The following DNAH3 variants were observed in gnomAD, a reference collection of about 807,000 sequenced individuals.
The protein encoded by DNAH3 is dynein axonemal heavy chain 3.
A neutral mutation model predicts 432.5 loss-of-function variants in DNAH3; 332 were observed. The ratio of observed to expected loss-of-function variants is 0.77; its 90% CI spans 0.70 to 0.84. DNAH3 has a LOEUF of 0.84. Among genes scored for constraint, DNAH3 ranks in the 40% least tolerant of loss-of-function variants. The pLI, the probability that DNAH3 is intolerant of heterozygous loss-of-function variation, is 0.00. For synonymous variants in DNAH3, 1,956 were observed against 1,900.2 expected, an observed-to-expected ratio of 1.03 and a Z score of -0.76; for missense variants, 4,861 against 5,114.0, an observed-to-expected ratio of 0.95 and a Z score of 1.51.
chr16:20,982,181 C>T (rs943724368), intron 49 of DNAH3, among the ~76,000 whole-genome samples: 2 of 151,722 alleles, frequency 1.3e-5, no homozygotes, highest in Non-Finnish European at 2.9e-5. Flanking sequence ...GTCAGGAGTT[C>T]GAGACCACCC....
At chr16:20,948,622 C>T in exon 57 of DNAH3, 1 of 1,614,112 alleles carries the variant, frequency 6.2e-7, no homozygotes, top group Non-Finnish European at 8.5e-7. Context: ...CACTCTGCCT[C>T]CGTAATTACA....
chr16:21,150,488 G>T lies in DNAH3; in HGVS notation c.118-4400C>A. 1 of 336,782 alleles carries T rather than the reference G, an allele frequency of 3.0e-6. No homozygotes were observed. Among genetic ancestry groups the T allele is most frequent in the Non-Finnish European group, 5.8e-6 (1 of 172,940 alleles). The allele number at this position is 336,782 out of a possible 1,614,324, so 20.9% of individuals were successfully genotyped here. ...CAGATGTTCTGAAAGCTCTGTTCAT[G>T]AGGTTGCCTCTCTGAGGTCATAGAC... is the stretch of plus-strand genomic sequence containing the variant. On this transcript the variant is annotated intron_variant, in intron 1 of 61. An upstream open reading frame in the 5' UTR gains an earlier in-frame stop. Coordinates refer to ENST00000261383, the Ensembl canonical transcript of DNAH3.
At chr16:21,044,306 C>T (rs2089592604) in intron 31 of DNAH3, among the ~76,000 whole-genome samples, 1 of 150,900 alleles carries the variant, frequency 6.6e-6, no homozygotes, top group South Asian at 2.1e-4. Context: ...TACCCATGAG[C>T]ATGGAATGTT....
At chr16:20,976,694 A>C (rs1010929118) in intron 50 of DNAH3, among the ~76,000 whole-genome samples, 1 of 152,226 alleles carries the variant, frequency 6.6e-6, no homozygotes, top group Non-Finnish European at 1.5e-5. Flanking sequence ...TTAGAGTTAG[A>C]AGAGGTCATA....
chr16:20,958,339 G>A (rs1015094079), intron 54 of DNAH3, among the ~76,000 whole-genome samples: 6 of 152,114 alleles, frequency 3.9e-5, no homozygotes, highest in Admixed American at 3.3e-4. Context: ...CTTTCAAAAT[G>A]CTGAGATTAC....
chr16:21,028,527 C>T (rs2088693255), intron 37 of DNAH3, among the ~76,000 whole-genome samples: 1 of 151,152 alleles, frequency 6.6e-6, no homozygotes, highest in South Asian at 2.1e-4. Context: ...AAAAAATAGC[C>T]GGGCATGGTG....
intron 5 of DNAH3, among the ~76,000 whole-genome samples, chr16:21,139,778 T>TTG (rs970085294): frequency 5.4e-5 from 5 of 91,806 alleles, no homozygotes; most frequent in African/African-American, 1.8e-4. Context: ...ACCTCATTCT[T>TTG]TTTTTTTTTT....
At chr16:21,104,694 T>C (rs1158929411) in intron 15 of DNAH3, 100 bp from the exon 16 acceptor site, 1 of 690,212 alleles carries the variant, frequency 1.4e-6, no homozygotes, top group African/African-American at 1.7e-5. Flanking sequence ...ACAGGAGTGG[T>C]GTGGGGGTGG....
At chr16:21,133,930 C>A (rs1379837815) in intron 7 of DNAH3, among the ~76,000 whole-genome samples, 1 of 152,136 alleles carries the variant, frequency 6.6e-6, no homozygotes, top group African/African-American at 2.4e-5. Context: ...AAGCAAGGCA[C>A]AGAAAAGTGA....
intron 5 of DNAH3, among the ~76,000 whole-genome samples, chr16:21,137,718 C>T (rs183663002): frequency 6.6e-6 from 1 of 152,164 alleles, no homozygotes; most frequent in East Asian, 1.9e-4. Context: ...CCACCACACC[C>T]AGCTGATAGT....
intron 46 of DNAH3, 44 bp from the exon 47 acceptor site, chr16:20,987,492 C>T (rs1480640392): frequency 1.9e-6 from 3 of 1,610,164 alleles, no homozygotes; most frequent in African/African-American, 2.7e-5. Flanking sequence ...GAAGATGGTC[C>T]CTGAGGTGGT....
At chr16:20,979,876 A>C (rs2085776066) in intron 49 of DNAH3, among the ~76,000 whole-genome samples, 2 of 152,094 alleles carry the variant, frequency 1.3e-5, no homozygotes, top group African/African-American at 4.8e-5. Flanking sequence ...CAGCCTCCCG[A>C]GTAGCTGGGA....
chr16:20,959,147 C>T, intron 54 of DNAH3, 32 bp downstream of exon 54: 1 of 1,605,586 alleles, frequency 6.2e-7, no homozygotes, highest in Non-Finnish European at 8.5e-7. Context: ...AGGTTGGGTC[C>T]CAGAGAAGGC....
chr16:21,090,692 A>C (rs2091506019), intron 18 of DNAH3, among the ~76,000 whole-genome samples: 1 of 152,220 alleles, frequency 6.6e-6, no homozygotes, highest in South Asian at 2.1e-4. Flanking sequence ...AAAAATGTCA[A>C]TTTCATAGAA....
At chr16:20,985,280 C>G in exon 48 of DNAH3, 1 of 1,614,178 alleles carries the variant, frequency 6.2e-7, no homozygotes, top group South Asian at 1.1e-5. Flanking sequence ...AAGAGGAACA[C>G]GGTGCTCTTG....
At chr16:21,107,862 GT>G (rs963425848) in intron 14 of DNAH3, among the ~76,000 whole-genome samples, 70 of 147,002 alleles carry the variant, frequency 4.8e-4, no homozygotes, top group South Asian at 1.5e-3. Context: ...ATCGTGACAT[GT>G]TTTTTTTTTT....
At position 20,963,843 on chromosome 16, in the gene DNAH3, C is replaced by A. The variant is rs745552109; in HGVS notation, c.10041G>T (p.Lys3347Asn). ...TCAGGGTGAAATGGTCAATGATGTA[C>A]TTGATGCGCAGATTCAGTTCCTCGC... Residue 3347 changes from lysine (K) to asparagine (N), a missense_variant, in exon 53 of 62, where the codon AAG becomes AAT. By Grantham distance (94) the Lys-to-Asn change is moderately conservative. Transcript: ENST00000261383. 3.1e-6 allele frequency: 5 copies of A among 1,614,042 alleles called. No individual in the cohort carries two copies. In the Admixed American group the frequency reaches 8.3e-5, roughly 27 times the overall value.
At chr16:21,070,115 C>G (rs1201590316) in intron 22 of DNAH3, among the ~76,000 whole-genome samples, 2 of 152,128 alleles carry the variant, frequency 1.3e-5, no homozygotes, top group African/African-American at 4.8e-5. Flanking sequence ...CCCCTATCTT[C>G]GGGTAGCTTA....
intron 56 of DNAH3, among the ~76,000 whole-genome samples, chr16:20,952,160 G>A (rs1205832560): frequency 6.6e-6 from 1 of 152,184 alleles, no homozygotes; most frequent in African/African-American, 2.4e-5. Flanking sequence ...TTACAGGCAT[G>A]AGCCACTGTG....
Sources: gnomAD v4.1 joint callset for allele counts (sites outside exome capture counted in the v4.1 genomes callset) on GRCh38, gnomAD v4.1.1 for gene constraint, MANE v1.5 for transcripts, NCBI Gene and HGNC (gene_info 2026-07-23, HGNC 2026-07-21) for gene names.